Variants in WWOX observed in about 807,000 individuals in gnomAD.
WWOX encodes the protein WW domain-containing oxidoreductase.
In WWOX, 69 loss-of-function variants were observed where a neutral mutation model predicts 46.2. The ratio of observed to expected loss-of-function variants is 1.49; its 90% confidence interval spans 1.23 to 1.82. The LOEUF is 1.82. Among genes scored for constraint, WWOX ranks in the 40% most tolerant of loss-of-function variants. The probability of loss-of-function intolerance (pLI) is 0.00; values close to 1 mark genes in which losing one functional copy is unlikely to be tolerated. For synonymous variants in WWOX, 359 were observed against 202.6 expected, an observed-to-expected ratio of 1.77 and a Z score of -6.56; for missense variants, 919 against 542.6, an observed-to-expected ratio of 1.69 and a Z score of -6.89.
chr16:78,938,058 G>A (rs899895308), intron 8 of WWOX, among the ~76,000 whole-genome samples: 1 of 152,202 alleles, frequency 6.6e-6, no homozygotes, highest in African/African-American at 2.4e-5. Context: ...ACTTTCCCAA[G>A]TCTGGGCAGC....
chr16:78,408,838 G>C (rs1430074869), intron 6 of WWOX, among the ~76,000 whole-genome samples: 5 of 152,162 alleles, frequency 3.3e-5, no homozygotes, highest in Non-Finnish European at 1.5e-5. Flanking sequence ...AACGAGTGAG[G>C]GATTCTGTGA....
At chr16:78,704,794 A>G (rs563970906) in intron 8 of WWOX, among the ~76,000 whole-genome samples, 4 of 152,314 alleles carry the variant, frequency 2.6e-5, no homozygotes, top group East Asian at 3.9e-4. Context: ...GACAGCCAGC[A>G]TGTTGACTTG....
At chr16:78,291,494 A>T (rs1339509986) in intron 5 of WWOX, among the ~76,000 whole-genome samples, 2 of 152,204 alleles carry the variant, frequency 1.3e-5, no homozygotes, top group African/African-American at 4.8e-5. Context: ...GGCGGCTGCC[A>T]TTCAGCAATC....
intron 8 of WWOX, among the ~76,000 whole-genome samples, chr16:78,727,000 C>T (rs1018535154): frequency 6.6e-6 from 1 of 152,162 alleles, no homozygotes; most frequent in African/African-American, 2.4e-5. Flanking sequence ...TTCCTGAGAG[C>T]AGCCCTCTAC....
intron 5 of WWOX, among the ~76,000 whole-genome samples, chr16:78,175,346 C>A (rs1239121112): frequency 6.6e-6 from 1 of 152,182 alleles, no homozygotes; most frequent in Non-Finnish European, 1.5e-5. Context: ...TAAAGTCTGT[C>A]CACAAATTCT....
chr16:78,978,715 A>C (rs1053509772), intron 8 of WWOX, among the ~76,000 whole-genome samples: 1 of 152,146 alleles, frequency 6.6e-6, no homozygotes, highest in African/African-American at 2.4e-5. Context: ...GCGACTGGGG[A>C]GGCGCTACAC....
intron 8 of WWOX, among the ~76,000 whole-genome samples, chr16:79,021,607 G>A (rs28367265): frequency 0.011 from 1,657 of 152,252 alleles, 35 homozygotes; most frequent in African/African-American, 0.033. Flanking sequence ...AAATAGCTGC[G>A]ACTCTCGCGT....
intron 8 of WWOX, among the ~76,000 whole-genome samples, chr16:78,567,781 G>C (rs1009873759): frequency 1.3e-5 from 2 of 151,872 alleles, no homozygotes; most frequent in African/African-American, 4.8e-5. Flanking sequence ...CCCGCAACTG[G>C]GCCACCAAAC....
intron 8 of WWOX, among the ~76,000 whole-genome samples, chr16:78,657,336 G>T (rs1259972045): frequency 3.3e-5 from 5 of 152,084 alleles, no homozygotes; most frequent in African/African-American, 1.2e-4. Flanking sequence ...GAGGTGGGGG[G>T]AAGGGGACTT....
intron 5 of WWOX, among the ~76,000 whole-genome samples, chr16:78,321,370 A>ACGTATATATG (rs1296120635): frequency 2.0e-4 from 12 of 61,154 alleles, no homozygotes; most frequent in East Asian, 1.6e-3. Flanking sequence ...GTATATATAT[A>ACGTATATATG]CGTATATATG....
chr16:78,640,241 T>TTG (rs1555508550), intron 8 of WWOX, among the ~76,000 whole-genome samples: 160 of 144,898 alleles, frequency 1.1e-3, no homozygotes, highest in African/African-American at 3.8e-3. Context: ...TTTTTTTTTT[T>TTG]TTTTTTTTTT....
chr16:78,967,870 C>T (rs926062121), intron 8 of WWOX, among the ~76,000 whole-genome samples: 3 of 152,138 alleles, frequency 2.0e-5, no homozygotes, highest in East Asian at 1.9e-4. Flanking sequence ...TTGCAGCCTC[C>T]GGGGCCACAT....
chr16:78,636,493 G>A (rs755501410), intron 8 of WWOX, among the ~76,000 whole-genome samples: 1 of 152,156 alleles, frequency 6.6e-6, no homozygotes, highest in Non-Finnish European at 1.5e-5. Flanking sequence ...ATGAGGTTCT[G>A]CTGTGTACTA....
chr16:78,661,046 C>A (rs73565274), intron 8 of WWOX, among the ~76,000 whole-genome samples: 63 of 152,224 alleles, frequency 4.1e-4, no homozygotes, highest in African/African-American at 1.5e-3. Context: ...AATGTTCCTG[C>A]ATGTATATTT....
At chr16:79,183,061 G>A (rs898392035) in intron 8 of WWOX, among the ~76,000 whole-genome samples, 4 of 152,182 alleles carry the variant, frequency 2.6e-5, no homozygotes, top group African/African-American at 9.7e-5. Context: ...CCATGTTGGG[G>A]TGCTCTTCTC....
At chr16:79,007,786 T>C (rs1313836289) in intron 8 of WWOX, among the ~76,000 whole-genome samples, 1 of 152,216 alleles carries the variant, frequency 6.6e-6, no homozygotes, top group Non-Finnish European at 1.5e-5. Flanking sequence ...AGCTATTTAA[T>C]ATTTATCATT....
Position 78,701,588 on chromosome 16 carries a change from T to C in WWOX, c.1056+268836T>C, listed in dbSNP as rs550042383. 2.0e-5 allele frequency among the ~76,000 whole-genome samples: 3 copies of C among 152,044 alleles called. No individual in the cohort carries two copies. In the South Asian group the frequency reaches 6.2e-4, roughly 32 times the overall value. On this transcript the variant is annotated intron_variant, in intron 8 of 8. Transcript: ENST00000566780. ...CTCCCCCCGATATACTCAACATATA[T>C]CTCCCTCTCCCTCCACCCACCTGCC...
At chr16:78,716,945 C>G (rs56104417) in intron 8 of WWOX, among the ~76,000 whole-genome samples, 25,644 of 152,138 alleles carry the variant, frequency 0.17, 2,778 homozygotes, top group East Asian at 0.24. Flanking sequence ...CCCCCTTTCC[C>G]AAGATCAGAG....
At chr16:78,705,043 A>G (rs1029989796) in intron 8 of WWOX, among the ~76,000 whole-genome samples, 1 of 152,120 alleles carries the variant, frequency 6.6e-6, no homozygotes, top group East Asian at 1.9e-4. Context: ...GGCAAGGACC[A>G]TGACTTTTGC....
Sources: gnomAD v4.1 joint callset for allele counts (sites outside exome capture counted in the v4.1 genomes callset) on GRCh38, gnomAD v4.1.1 for gene constraint, MANE v1.5 for transcripts, NCBI Gene and HGNC (gene_info 2026-07-23, HGNC 2026-07-21) for gene names.